AFDN: variants seen among roughly 807,000 people sequenced by gnomAD.
The protein encoded by AFDN is afadin, adherens junction formation factor.
Under a neutral mutation model 216.6 loss-of-function variants are expected in AFDN, and 68 were observed. The ratio of observed to expected loss-of-function variants is 0.31; its 90% CI spans 0.26 to 0.38. The LOEUF (loss-of-function observed/expected upper bound fraction) is 0.38, where lower values mean the gene tolerates loss of function less well. AFDN is among the 10% of genes least tolerant of loss of function. AFDN has a pLI of 1.00. For missense variants in AFDN, 2,136 were observed against 2,342.0 expected, an observed-to-expected ratio of 0.91 and a Z score of 1.82; for synonymous variants, 868 against 853.7, an observed-to-expected ratio of 1.02 and a Z score of -0.29.
chr6:167,862,503 G>A (rs1783706022), intron 1 of AFDN, among the ~76,000 whole-genome samples: 1 of 152,096 alleles, frequency 6.6e-6, no homozygotes, highest in African/African-American at 2.4e-5. Context: ...AGCCTCCTGA[G>A]TAGCTGAGAT....
intron 3 of AFDN, among the ~76,000 whole-genome samples, chr6:167,871,023 G>A (rs1040391189): frequency 1.3e-5 from 2 of 152,066 alleles, no homozygotes; most frequent in Admixed American, 1.3e-4. Context: ...AAATCAAGTG[G>A]CATCTTACAC....
intron 30 of AFDN, among the ~76,000 whole-genome samples, chr6:167,955,302 C>CG (rs1252593788): frequency 6.6e-6 from 1 of 152,012 alleles, no homozygotes; most frequent in Non-Finnish European, 1.5e-5. Context: ...TTTCCTTCCC[C>CG]CCTCAGTTTA....
rs571791735 is a variant in AFDN, at chr6:167,910,330, A to C, written c.1770-771A>C. Among the ~76,000 whole-genome samples the C allele has an allele frequency of 1.8e-4, 28 of 152,370 alleles. No homozygotes were observed. The East Asian group carries it at 5.4e-3, about 29-fold the overall frequency. Reference sequence around the variant, plus strand: ...TGGGTGATGACACACTGTTTGAAGAATATTTTTATAGAGATAGAAATGAAC... The same window carrying C: ...TGGGTGATGACACACTGTTTGAAGACTATTTTTATAGAGATAGAAATGAAC... On this transcript the variant is annotated intron_variant, in intron 13 of 33. Transcript: ENST00000683244.
At chr6:167,964,826 T>A (rs1337819654) in intron 31 of AFDN, 1 of 1,066,022 alleles carries the variant, frequency 9.4e-7, no homozygotes, top group Non-Finnish European at 1.1e-6. Flanking sequence ...CTCGAGGCAG[T>A]TTATTCTGTT....
At position 167,944,013 on chromosome 6, in the gene AFDN, C is replaced by T. The variant is rs775954869; in HGVS notation, c.3312C>T (p.His1104=). 27 of 1,614,168 alleles carry T rather than the reference C, an allele frequency of 1.7e-5. No homozygotes were observed. The African/African-American group carries it at 2.8e-4, about 17-fold the overall frequency. ...LEVAKQGAIY[H]GLATLLNQPS... ...TAGCAAAGCAGGGTGCCATCTACCA[C>T]GGTCTGGCCACCCTTCTCAATCAGC... Residue 1104 remains histidine (H), a synonymous_variant, in exon 26 of 34, where the codon CAC becomes CAT. Transcript: ENST00000683244.
chr6:167,829,617 AT>A (rs1245365358), intron 1 of AFDN, among the ~76,000 whole-genome samples: 1 of 151,854 alleles, frequency 6.6e-6, no homozygotes, highest in Non-Finnish European at 1.5e-5. Flanking sequence ...TAAGCCTTGT[AT>A]TTATTTACTT....
chr6:167,859,287 A>C (rs775820345), intron 1 of AFDN, among the ~76,000 whole-genome samples: 1 of 152,176 alleles, frequency 6.6e-6, no homozygotes, highest in Non-Finnish European at 1.5e-5. Context: ...AAGTAGGTCA[A>C]ATGGCTATTG....
chr6:167,918,786 G>T lies in AFDN; in HGVS notation c.2761G>T (p.Ala921Ser), dbSNP rs1268703042. 3 of 1,613,840 alleles carry T rather than the reference G, an allele frequency of 1.9e-6. No individual in the cohort carries two copies. The highest frequency in any genetic ancestry group is 2.5e-6 in the Non-Finnish European group (3 of 1,179,788). ...TVAENTADEL[A>S]RSDGREVQLE... Reference sequence around the variant, plus strand: ...GGCTGAAAACACTGCCGATGAGCTGGCCCGCAGTGATGGAAGGGAAGTGCA... The same window carrying T: ...GGCTGAAAACACTGCCGATGAGCTGTCCCGCAGTGATGGAAGGGAAGTGCA... The change falls in exon 21 of 34, where the codon GCC becomes TCC. Residue 921 changes from alanine to serine, a missense_variant. Transcript: ENST00000683244.
intron 30 of AFDN, among the ~76,000 whole-genome samples, chr6:167,959,303 T>C (rs1027602658): frequency 6.6e-6 from 1 of 152,208 alleles, no homozygotes. Flanking sequence ...GTGGATGGTT[T>C]TTCCTGTGTC....
intron 6 of AFDN, among the ~76,000 whole-genome samples, chr6:167,881,340 A>T (rs1786086447): frequency 6.6e-6 from 1 of 152,254 alleles, no homozygotes; most frequent in African/African-American, 2.4e-5. Flanking sequence ...ATGGGAAATC[A>T]TGTTTTTCTC....
intron 1 of AFDN, among the ~76,000 whole-genome samples, chr6:167,838,310 G>T (rs1401728029): frequency 3.3e-5 from 3 of 91,158 alleles, no homozygotes; most frequent in Admixed American, 1.2e-4. Context: ...CGTTGTGCCT[G>T]CTCATGCCAT....
chr6:167,840,375 CAA>C (rs990745636), intron 1 of AFDN, among the ~76,000 whole-genome samples: 1 of 152,166 alleles, frequency 6.6e-6, no homozygotes, highest in African/African-American at 2.4e-5. Flanking sequence ...CTTTTGACAT[CAA>C]GTTTGACCAT....
At chr6:167,964,605 G>A (rs1797347714) in intron 31 of AFDN, 14 of 1,053,746 alleles carry the variant, frequency 1.3e-5, no homozygotes, top group Non-Finnish European at 1.6e-5. Flanking sequence ...GTGACATTGC[G>A]TATTCACTCT....
rs373529541 is a variant in AFDN, at chr6:167,874,974, C to A, written c.579-361C>A. Among the ~76,000 whole-genome samples the A allele has an allele frequency of 9.9e-5, 15 of 152,224 alleles. No individual in the cohort carries two copies. In the East Asian group the frequency reaches 2.3e-3, roughly 24 times the overall value. On this transcript the variant is annotated intron_variant, in intron 4 of 33. Coordinates refer to ENST00000683244, the MANE Select transcript of AFDN (RefSeq NM_001386888.1). ...AAATTAAGTATTCAGTCCTATATTT[C>A]TTTCTTGTGGTTGGAAGGTCATGGT... is the stretch of plus-strand genomic sequence containing the variant.
rs546472993 is a variant in AFDN, at chr6:167,918,106, T to C, written c.2710-629T>C. Among the ~76,000 whole-genome samples the C allele has an allele frequency of 5.9e-5, 9 of 152,316 alleles. No individual in the cohort carries two copies. The South Asian group carries it at 1.9e-3, about 32-fold the overall frequency. On this transcript the variant is annotated intron_variant, in intron 20 of 33. Transcript: ENST00000683244. The stretch of plus-strand genomic sequence containing the variant: ...CTACTCAGGTGGCGATGTTCTCTTT[T>C]CTTGAACAGAAGTGAACCTGGTGGT...
intron 4 of AFDN, among the ~76,000 whole-genome samples, chr6:167,872,914 T>A (rs540527317): frequency 3.3e-5 from 5 of 152,328 alleles, no homozygotes; most frequent in Admixed American, 6.5e-5. Context: ...GACACAGAGC[T>A]GAGGGAATAA....
intron 16 of AFDN, 77 bp from the exon 17 acceptor site, chr6:167,914,091 T>C: frequency 6.6e-7 from 1 of 1,525,484 alleles, no homozygotes. Flanking sequence ...CTTCAGCAGC[T>C]TTTCAAGAGC....
chr6:167,864,321 G>A, intron 1 of AFDN: 1 of 726,780 alleles, frequency 1.4e-6, no homozygotes, highest in Non-Finnish European at 2.5e-6. Flanking sequence ...CTATTTGACA[G>A]CCATTATTTC....
At chr6:167,842,013 T>C (rs1326584243) in intron 1 of AFDN, among the ~76,000 whole-genome samples, 1 of 152,202 alleles carries the variant, frequency 6.6e-6, no homozygotes, top group Non-Finnish European at 1.5e-5. Context: ...AAAAAAACTT[T>C]GCTAAAGTTT....
Sources: allele counts gnomAD v4.1 joint callset (sites outside exome capture counted in the v4.1 genomes callset), GRCh38; gene constraint gnomAD v4.1.1; transcripts MANE v1.5; gene names NCBI Gene and HGNC (gene_info 2026-07-23, HGNC 2026-07-21).